ADGRL3: variants seen among roughly 807,000 people sequenced by gnomAD.
ADGRL3 encodes the protein calcium-independent alpha-latrotoxin receptor 3.
Under a neutral mutation model 153.5 loss-of-function variants are expected in ADGRL3, and 62 were observed. The observed-to-expected ratio is 0.40, with a 90% CI of 0.33 to 0.50. The LOEUF (loss-of-function observed/expected upper bound fraction) is 0.50, where lower values mean the gene tolerates loss of function less well. ADGRL3 is among the 20% of genes least tolerant of loss of function. ADGRL3 has a pLI of 0.47. For synonymous variants in ADGRL3, 710 were observed against 672.5 expected (o/e 1.06, Z -0.86); for missense variants, 1,641 against 1,859.4 (o/e 0.88, Z 2.16).
At chr4:61,504,151 C>G (rs1368014506) in intron 3 of ADGRL3, among the ~76,000 whole-genome samples, 2 of 152,096 alleles carry the variant, frequency 1.3e-5, no homozygotes. Flanking sequence ...CGCCACCACA[C>G]CTGGCTAATT....
chr4:61,894,884 C>T (rs1267219291), intron 10 of ADGRL3, among the ~76,000 whole-genome samples: 2 of 152,120 alleles, frequency 1.3e-5, no homozygotes, highest in Non-Finnish European at 2.9e-5. Context: ...TTAATATTCT[C>T]ATTGATTTTC....
At chr4:61,709,014 T>C (rs564144613) in intron 6 of ADGRL3, among the ~76,000 whole-genome samples, 126 of 152,012 alleles carry the variant, frequency 8.3e-4, no homozygotes, top group Non-Finnish European at 1.1e-3. Flanking sequence ...CTCACCATGT[T>C]GGCCAGGCTG....
chr4:61,228,121 AAAATGTG>A (rs1748801504), intron 1 of ADGRL3, among the ~76,000 whole-genome samples: 1 of 152,084 alleles, frequency 6.6e-6, no homozygotes, highest in Non-Finnish European at 1.5e-5. Flanking sequence ...GGAGTTTTTT[AAAATGTG>A]AAGTAATTCA....
Position 61,497,250 on chromosome 4 carries a change from G to A in ADGRL3, c.-44G>A. The A allele has an allele frequency of 3.2e-6, 4 of 1,233,114 alleles. No homozygotes were observed. Among genetic ancestry groups the A allele is most frequent in the East Asian group, 2.4e-5 (1 of 41,610 alleles). The allele number at this position is 1,233,114 out of a possible 1,614,324, so 76.4% of individuals were successfully genotyped here. On this transcript the variant is annotated 5_prime_UTR_variant, in exon 3 of 27. Coordinates refer to ENST00000683033, the MANE Select transcript of ADGRL3 (RefSeq NM_001387552.1). ...AATATACGTATTTTGTTTCACATTT[G>A]AACAGTCATTCTTGAGGAATACTCC... is the stretch of plus-strand genomic sequence containing the variant.
chr4:61,851,086 G>T (rs202162508), intron 9 of ADGRL3, among the ~76,000 whole-genome samples: 1 of 103,184 alleles, frequency 9.7e-6, no homozygotes, highest in African/African-American at 5.7e-5. Flanking sequence ...ATTTTTAAAC[G>T]TGTAATTTTA....
intron 6 of ADGRL3, among the ~76,000 whole-genome samples, chr4:61,683,932 A>T (rs1580266040): frequency 6.6e-6 from 1 of 152,300 alleles, no homozygotes; most frequent in East Asian, 1.9e-4. Context: ...GCCCTGCTAG[A>T]GCTGAGTCTT....
At chr4:62,020,624 T>C (rs1018352981) in intron 21 of ADGRL3, among the ~76,000 whole-genome samples, 1 of 152,150 alleles carries the variant, frequency 6.6e-6, no homozygotes, top group African/African-American at 2.4e-5. Context: ...TGTTTCATTT[T>C]TCCTATTCAA....
intron 9 of ADGRL3, among the ~76,000 whole-genome samples, chr4:61,826,998 C>T (rs2097811680): frequency 6.6e-6 from 1 of 152,112 alleles, no homozygotes; most frequent in Non-Finnish European, 1.5e-5. Flanking sequence ...TTCCATTTCC[C>T]ACACTAGTTA....
chr4:62,003,672 G>C lies in ADGRL3; in HGVS notation c.3395+5407G>C, dbSNP rs193069490. On this transcript the variant is annotated intron_variant, in intron 21 of 26. Transcript: ENST00000683033. ...AATGCCCTGCTGCCTTTGATTCCTT[G>C]TGTTTTTAATGGTGAAGCTTTGCTC... is the stretch of plus-strand genomic sequence containing the variant. Among the ~76,000 whole-genome samples the C allele has an allele frequency of 6.4e-4, 97 of 152,184 alleles. 1 individual carries two copies. In the Middle Eastern group the frequency reaches 0.014, roughly 21 times the overall value.
intron 1 of ADGRL3, among the ~76,000 whole-genome samples, chr4:61,277,683 C>G (rs1258519927): frequency 6.6e-6 from 1 of 152,062 alleles, no homozygotes; most frequent in Non-Finnish European, 1.5e-5. Context: ...GAACAATTTA[C>G]TTAACCTTCC....
chr4:61,658,940 A>T (rs2150532319), intron 5 of ADGRL3, among the ~76,000 whole-genome samples: 1 of 152,290 alleles, frequency 6.6e-6, no homozygotes, highest in African/African-American at 2.4e-5. Context: ...TTGCTTTGAC[A>T]GTTCTAGCGG....
chr4:61,581,942 T>C (rs755601656), intron 4 of ADGRL3, among the ~76,000 whole-genome samples: 1 of 152,134 alleles, frequency 6.6e-6, no homozygotes, highest in Non-Finnish European at 1.5e-5. Context: ...AGCCTTCTAA[T>C]TTGCATTTCT....
intron 1 of ADGRL3, among the ~76,000 whole-genome samples, chr4:61,286,792 C>CCA (rs1299911199): frequency 1.3e-5 from 2 of 151,586 alleles, no homozygotes; most frequent in Middle Eastern, 3.4e-3. Context: ...AGAAAGGGGA[C>CCA]CACACACACA....
At chr4:61,864,865 T>G (rs1181961983) in intron 9 of ADGRL3, among the ~76,000 whole-genome samples, 1 of 152,220 alleles carries the variant, frequency 6.6e-6, no homozygotes, top group Non-Finnish European at 1.5e-5. Context: ...ATTGTGAAGC[T>G]GTGGAACTAA....
At chr4:62,000,219 CA>C (rs1163647821) in intron 21 of ADGRL3, among the ~76,000 whole-genome samples, 3 of 151,242 alleles carry the variant, frequency 2.0e-5, no homozygotes, top group Non-Finnish European at 4.4e-5. Flanking sequence ...TATAAATTAG[CA>C]AAAAGGATCA....
In ADGRL3 at chr4:61,783,784, T is replaced by G. The variant is rs955612184; in HGVS notation, c.1400-30025T>G. 3.9e-5 allele frequency among the ~76,000 whole-genome samples: 6 copies of G among 152,170 alleles called. No homozygotes were observed. In the East Asian group the frequency reaches 1.2e-3, roughly 29 times the overall value. On this transcript the variant is annotated intron_variant, in intron 8 of 26. Transcript: ENST00000683033. ...CTATCAAGTTAATAATAATAAATCTTAAACAAAATAATATACATCTTATTA... is the reference window on the plus strand; with the variant it reads ...CTATCAAGTTAATAATAATAAATCTGAAACAAAATAATATACATCTTATTA...
chr4:61,338,276 TAA>T (rs571090815), intron 1 of ADGRL3, among the ~76,000 whole-genome samples: 18 of 137,954 alleles, frequency 1.3e-4, no homozygotes, highest in Admixed American at 2.2e-4. Flanking sequence ...TGTCTCAATT[TAA>T]AAAAAAAAAA....
intron 2 of ADGRL3, among the ~76,000 whole-genome samples, chr4:61,430,704 C>A (rs1452169747): frequency 6.6e-6 from 1 of 152,012 alleles, no homozygotes; most frequent in Non-Finnish European, 1.5e-5. Context: ...CTTGTTCATC[C>A]CTTATTCAGG....
intron 11 of ADGRL3, among the ~76,000 whole-genome samples, chr4:61,898,653 C>G (rs943936677): frequency 6.6e-6 from 1 of 151,112 alleles, no homozygotes; most frequent in East Asian, 2.0e-4. Context: ...AAGTCTCGCT[C>G]TGTCACCCAG....
Sources: allele counts gnomAD v4.1 joint callset (sites outside exome capture counted in the v4.1 genomes callset), GRCh38; gene constraint gnomAD v4.1.1; transcripts MANE v1.5; gene names NCBI Gene and HGNC (gene_info 2026-07-23, HGNC 2026-07-21).